The following ERCC3 variants were observed in gnomAD, a reference collection of about 807,000 sequenced individuals.
ERCC3 encodes general transcription and DNA repair factor IIH helicase/translocase subunit XPB.
In ERCC3, 66 loss-of-function variants were observed where a neutral mutation model predicts 94.2. The observed-to-expected ratio is 0.70, with a 90% CI of 0.57 to 0.86. ERCC3 has a LOEUF of 0.86. Among genes scored for constraint, ERCC3 ranks in the 40% least tolerant of loss-of-function variants. The pLI, the probability that ERCC3 is intolerant of heterozygous loss-of-function variation, is 0.00. For synonymous variants in ERCC3, 349 were observed against 369.1 expected (o/e 0.95, Z 0.63); for missense variants, 829 against 987.1 (o/e 0.84, Z 2.15).
chr2:127,270,581 A>G (rs946317996), intron 12 of ERCC3, among the ~76,000 whole-genome samples: 1 of 152,098 alleles, frequency 6.6e-6, no homozygotes, highest in Non-Finnish European at 1.5e-5. Context: ...GATGCCCACT[A>G]ATCTTGTCAT....
intron 3 of ERCC3, 90 bp from the exon 4 acceptor site, chr2:127,290,363 T>A: frequency 9.0e-7 from 1 of 1,108,516 alleles, no homozygotes; most frequent in Non-Finnish European, 1.4e-6. Context: ...ACCAACCAAG[T>A]GAAAAGTTCA....
chr2:127,257,602 C>T lies in ERCC3; in HGVS notation c.2343G>A (p.Arg781=), dbSNP rs1283163960. ...GAAGTACCCTGCCTAAGCATCATTT[C>T]CTAAAGCGCTTGAAGAGCGGGTGTA... is the stretch of plus-strand genomic sequence containing the variant. ...KHVHPLFKRF[R]K Residue 781 remains arginine (R), a synonymous_variant, in exon 15 of 15, where the codon AGG becomes AGA. Coordinates refer to ENST00000285398, the MANE Select transcript of ERCC3 (RefSeq NM_000122.2). The surrounding 1 kb of genome is among the most constrained non-coding windows in gnomAD (Gnocchi z 5.4). The T allele has an allele frequency of 6.2e-7, 1 of 1,613,862 alleles. No individual in the cohort carries two copies. The highest frequency in any genetic ancestry group is 8.5e-7 in the Non-Finnish European group (1 of 1,180,030).
intron 8 of ERCC3, among the ~76,000 whole-genome samples, chr2:127,285,208 C>A (rs1685026842): frequency 6.6e-6 from 1 of 152,146 alleles, no homozygotes; most frequent in Admixed American, 6.5e-5. Context: ...CAGTAGTCAT[C>A]TGAAGCTAGA....
chr2:127,265,095 C>T (rs188224830), intron 12 of ERCC3, among the ~76,000 whole-genome samples: 4 of 152,226 alleles, frequency 2.6e-5, no homozygotes, highest in Admixed American at 2.6e-4. Flanking sequence ...GATCCACCTG[C>T]CTCAGCCTTC....
Position 127,291,491 on chromosome 2 carries a change from C to A in ERCC3, c.471+1119G>T, listed in dbSNP as rs1045064713. ...GGCCAGGCTGGTCTTGAACTCCTGACCCCAGGTGGTCCACCCACCTCAGCC... is the reference window on the plus strand; with the variant it reads ...GGCCAGGCTGGTCTTGAACTCCTGAACCCAGGTGGTCCACCCACCTCAGCC... On this transcript the variant is annotated intron_variant, in intron 3 of 14. Transcript: ENST00000285398. The surrounding 1 kb of genome is among the most constrained non-coding windows in gnomAD (Gnocchi z 4.9). Among the ~76,000 whole-genome samples, 4 of 152,122 alleles carry A rather than the reference C, an allele frequency of 2.6e-5. No homozygotes were observed. Among genetic ancestry groups the A allele is most frequent in the Non-Finnish European group, 4.4e-5 (3 of 68,028 alleles).
In ERCC3 at chr2:127,279,517, T is replaced by C; in HGVS notation, c.1528-142A>G. ...TGGCTCATGCCTGTAATGCCAGCAG[T>C]TTGGGAGGCTGAGGCAGGCAGATCA... is the stretch of plus-strand genomic sequence containing the variant. On this transcript the variant is annotated intron_variant, in intron 9 of 14. Coordinates refer to ENST00000285398, the MANE Select transcript of ERCC3 (RefSeq NM_000122.2). The surrounding 1 kb of genome is among the most constrained non-coding windows in gnomAD (Gnocchi z 4.7). 1.4e-6 allele frequency: 1 copy of C among 726,190 alleles called. No individual in the cohort carries two copies. The allele number at this position is 726,190 out of a possible 1,614,324, so 45.0% of individuals were successfully genotyped here.
Position 127,280,153 on chromosome 2 carries a change from C to T in ERCC3, c.1527+294G>A, listed in dbSNP as rs1385991260. ...GTGGTATCAGGGGCCTTCATTCATC[C>T]CTGTGCCCTGAATGCTAATCCTCAC... On this transcript the variant is annotated intron_variant, in intron 9 of 14. Transcript: ENST00000285398. The surrounding 1 kb of genome is among the most constrained non-coding windows in gnomAD (Gnocchi z 6.3). 6.6e-6 allele frequency among the ~76,000 whole-genome samples: 1 copy of T among 152,202 alleles called. No individual in the cohort carries two copies. The highest frequency in any genetic ancestry group is 1.5e-5 in the Non-Finnish European group (1 of 68,034).
At chr2:127,287,470 T>C (rs1228497831) in intron 7 of ERCC3, among the ~76,000 whole-genome samples, 1 of 151,918 alleles carries the variant, frequency 6.6e-6, no homozygotes, top group East Asian at 1.9e-4. Context: ...CTATCTTTAC[T>C]AAAAATACAA....
intron 12 of ERCC3, among the ~76,000 whole-genome samples, chr2:127,268,770 G>A (rs1029012223): frequency 1.3e-5 from 2 of 152,170 alleles, no homozygotes; most frequent in Non-Finnish European, 2.9e-5. Flanking sequence ...AGCAGGAAGA[G>A]TCATTCTCAC....
At position 127,259,496 on chromosome 2, in the gene ERCC3, C is replaced by G; in HGVS notation, c.2065-48G>C. On this transcript the variant is annotated intron_variant, in intron 13 of 14. Transcript: ENST00000285398. The surrounding 1 kb of genome is among the most constrained non-coding windows in gnomAD (Gnocchi z 4.9). ...CATGCCCCTTTCTGCTCTCTCTCCC[C>G]AGCCCTCCTCTGCCTTCTCCTGGGT... 6.2e-7 allele frequency: 1 copy of G among 1,611,888 alleles called. No individual in the cohort carries two copies. The highest frequency in any genetic ancestry group is 1.1e-5 in the South Asian group (1 of 91,050).
chr2:127,280,875 C>A lies in ERCC3; in HGVS notation c.1343-244G>T. 1.8e-6 allele frequency: 1 copy of A among 554,134 alleles called. No individual in the cohort carries two copies. The highest frequency in any genetic ancestry group is 3.2e-6 in the Non-Finnish European group (1 of 315,606). 34.3% of individuals were successfully genotyped at this position (554,134 alleles called of 1,614,324 possible). A position where few individuals can be genotyped will look rare whatever the true frequency, so the allele number is the denominator to read the frequency against. ...TCATAGCTGTGCAACTTAACACTGG[C>A]TTATGACACCACCTGAACTAACCCT... On this transcript the variant is annotated intron_variant, in intron 8 of 14. Transcript: ENST00000285398. This position sits in a 1 kb window ranked among gnomAD's most constrained non-coding sequence, Gnocchi z 6.3.
At chr2:127,276,763 C>T (rs928404513) in intron 10 of ERCC3, among the ~76,000 whole-genome samples, 19 of 69,802 alleles carry the variant, frequency 2.7e-4, no homozygotes, top group East Asian at 2.2e-3. Context: ...GTGCCCATCA[C>T]GATGAAAGAA....
At chr2:127,287,654 G>A (rs888289982) in intron 7 of ERCC3, among the ~76,000 whole-genome samples, 1 of 152,082 alleles carries the variant, frequency 6.6e-6, no homozygotes, top group African/African-American at 2.4e-5. Context: ...AAGAAAGATT[G>A]AAAAACTAAA....
At position 127,268,076 on chromosome 2, in the gene ERCC3, C is replaced by T. The variant is rs191557957; in HGVS notation, c.1945+3260G>A. 2.3e-3 allele frequency among the ~76,000 whole-genome samples: 352 copies of T among 152,122 alleles called. 1 individual carries two copies. Among genetic ancestry groups the T allele is most frequent in the African/African-American group, 7.7e-3 (319 of 41,494 alleles). On this transcript the variant is annotated intron_variant, in intron 12 of 14. Transcript: ENST00000285398. ...TCCAGCAATACTCCTGCCTCAGCCT[C>T]CTGAGTAGCTGAGATTATAGGCACC...
At position 127,286,777 on chromosome 2, in the gene ERCC3, G is replaced by A. The variant is rs2104770896; in HGVS notation, c.1268C>T (p.Ala423Val). ...LGHTTKRSWEAERVMEWLKTQ... is the reference protein window; with the variant it reads ...LGHTTKRSWEVERVMEWLKTQ... ...CTTGAGCCACTCCATGACTCGCTCG[G>A]CCTCCCAGGACCTTTTGGTGGTGTG... The change falls in exon 8 of 15, where the codon GCC becomes GTC. Residue 423 changes from alanine (A) to valine (V), a missense_variant. Coordinates refer to ENST00000285398, the MANE Select transcript of ERCC3 (RefSeq NM_000122.2). 2 of 1,614,154 alleles carry A rather than the reference G, an allele frequency of 1.2e-6. No homozygotes were observed. Among genetic ancestry groups the A allele is most frequent in the Non-Finnish European group, 1.7e-6 (2 of 1,180,028 alleles).
intron 13 of ERCC3, 54 bp downstream of exon 13, chr2:127,261,174 G>C: frequency 9.8e-7 from 1 of 1,021,564 alleles, no homozygotes; most frequent in South Asian, 1.3e-5. Context: ...CTGGAGGCCA[G>C]GGTATCAAGA....
At chr2:127,293,912 C>T (rs1685371520) in intron 1 of ERCC3, 142 bp downstream of exon 1, 2 of 1,526,752 alleles carry the variant, frequency 1.3e-6, no homozygotes, top group Non-Finnish European at 1.8e-6. Context: ...ATCTCTCCCG[C>T]CCAAAGGCCT....
intron 5 of ERCC3, 36 bp downstream of exon 5, chr2:127,289,653 T>A (rs375592972): frequency 2.5e-6 from 4 of 1,613,574 alleles, no homozygotes; most frequent in Non-Finnish European, 3.4e-6. Flanking sequence ...CCTAAATGCC[T>A]GCCCCCACCC....
At position 127,279,974 on chromosome 2, in the gene ERCC3, C is replaced by T. The variant is rs923718370; in HGVS notation, c.1527+473G>A. On this transcript the variant is annotated intron_variant, in intron 9 of 14. Coordinates refer to ENST00000285398, the MANE Select transcript of ERCC3 (RefSeq NM_000122.2). This position sits in a 1 kb window ranked among gnomAD's most constrained non-coding sequence, Gnocchi z 4.7. ...TTCTCAATTGGTAGTGTCAGCAATT[C>T]TTCCATTTAAGCCACACTTCCACAC... Among the ~76,000 whole-genome samples the T allele has an allele frequency of 2.0e-5, 3 of 152,192 alleles. No individual in the cohort carries two copies. Among genetic ancestry groups the T allele is most frequent in the African/African-American group, 7.2e-5 (3 of 41,444 alleles).
Sources: gnomAD v4.1 joint callset for allele counts (sites outside exome capture counted in the v4.1 genomes callset) on GRCh38, gnomAD v4.1.1 for gene constraint, Gnocchi (gnomAD v3.1) non-coding constraint, MANE v1.5 for transcripts, NCBI Gene and HGNC (gene_info 2026-07-23, HGNC 2026-07-21) for gene names.